The following CNTNAP2 variants were observed in gnomAD, a reference collection of about 807,000 sequenced individuals.
CNTNAP2 encodes contactin-associated protein-like 2.
CNTNAP2 carries 98 observed loss-of-function variants against 155.2 expected under a neutral mutation model. The observed-to-expected ratio is 0.63, with a 90% confidence interval of 0.54 to 0.75. The LOEUF (loss-of-function observed/expected upper bound fraction) is 0.75, where lower values mean the gene tolerates loss of function less well. Ranked by LOEUF, CNTNAP2 falls within the 30% of genes least tolerant of loss-of-function variation. The pLI is 0.00. For missense variants in CNTNAP2, 1,727 were observed against 1,688.1 expected (o/e 1.02, Z -0.40); for synonymous variants, 651 against 631.2 (o/e 1.03, Z -0.47).
intron 1 of CNTNAP2, among the ~76,000 whole-genome samples, chr7:146,373,879 A>T (rs1020478550): frequency 6.6e-6 from 1 of 152,198 alleles, no homozygotes; most frequent in Admixed American, 6.5e-5. Flanking sequence ...ACTGGATGAA[A>T]TCTTTCAAAA....
intron 1 of CNTNAP2, among the ~76,000 whole-genome samples, chr7:146,141,444 T>G (rs1797880933): frequency 6.6e-6 from 1 of 152,172 alleles, no homozygotes; most frequent in Admixed American, 6.6e-5. Context: ...TGGTAGCCAT[T>G]TGTTACTTGG....
chr7:146,475,633 T>C (rs933139452), intron 1 of CNTNAP2, among the ~76,000 whole-genome samples: 2 of 152,024 alleles, frequency 1.3e-5, no homozygotes, highest in Non-Finnish European at 2.9e-5. Context: ...GAGACCAAGA[T>C]TGACAGACTG....
intron 13 of CNTNAP2, among the ~76,000 whole-genome samples, chr7:147,819,503 A>T (rs1182452887): frequency 6.6e-6 from 1 of 152,136 alleles, no homozygotes; most frequent in Non-Finnish European, 1.5e-5. Flanking sequence ...TATTGTTATT[A>T]CTTTATACCT....
At chr7:147,253,730 T>A (rs143561706) in intron 8 of CNTNAP2, among the ~76,000 whole-genome samples, 1 of 152,358 alleles carries the variant, frequency 6.6e-6, no homozygotes, top group Non-Finnish European at 1.5e-5. Flanking sequence ...GGCAGCCTGC[T>A]GCTGCATGAT....
chr7:146,127,144 A>G (rs1797649313), intron 1 of CNTNAP2, among the ~76,000 whole-genome samples: 1 of 152,250 alleles, frequency 6.6e-6, no homozygotes, highest in South Asian at 2.1e-4. Context: ...TCTCTAACAC[A>G]ACATGCTGTT....
intron 1 of CNTNAP2, among the ~76,000 whole-genome samples, chr7:146,143,768 T>A (rs1166719218): frequency 2.0e-5 from 3 of 151,134 alleles, no homozygotes; most frequent in Middle Eastern, 7.0e-3. Flanking sequence ...AATTCTAATT[T>A]ATTTTTTTTT....
intron 13 of CNTNAP2, among the ~76,000 whole-genome samples, chr7:147,728,650 A>G (rs1047516863): frequency 6.6e-6 from 1 of 152,050 alleles, no homozygotes; most frequent in Non-Finnish European, 1.5e-5. Context: ...TGGGGAACTC[A>G]GTGGGCAATG....
chr7:146,671,760 T>G (rs911079009), intron 1 of CNTNAP2, among the ~76,000 whole-genome samples: 2 of 152,158 alleles, frequency 1.3e-5, no homozygotes, highest in African/African-American at 2.4e-5. Context: ...CAAAATATTT[T>G]TACCAATCCA....
chr7:147,004,517 T>A (rs1798489019), intron 3 of CNTNAP2, among the ~76,000 whole-genome samples: 1 of 151,976 alleles, frequency 6.6e-6, no homozygotes, highest in African/African-American at 2.4e-5. Context: ...AAAATATAAA[T>A]TTCCGGAATA....
At chr7:147,255,848 A>G (rs921169988) in intron 8 of CNTNAP2, among the ~76,000 whole-genome samples, 11 of 152,084 alleles carry the variant, frequency 7.2e-5, no homozygotes, top group African/African-American at 2.4e-4. Context: ...AGGGATTCTC[A>G]TTCCTCAGCC....
At chr7:146,313,185 G>A (rs1489767546) in intron 1 of CNTNAP2, among the ~76,000 whole-genome samples, 2 of 152,174 alleles carry the variant, frequency 1.3e-5, no homozygotes, top group Admixed American at 6.5e-5. Flanking sequence ...CAATGTACAA[G>A]GGTTACCTTT....
chr7:147,009,004 A>T (rs1269151721), intron 3 of CNTNAP2, among the ~76,000 whole-genome samples: 1 of 151,698 alleles, frequency 6.6e-6, no homozygotes, highest in Non-Finnish European at 1.5e-5. Context: ...AATATTTTTA[A>T]TGCTCAATTG....
intron 1 of CNTNAP2, among the ~76,000 whole-genome samples, chr7:146,388,305 C>T (rs1795489998): frequency 6.6e-6 from 1 of 151,694 alleles, no homozygotes; most frequent in Non-Finnish European, 1.5e-5. Context: ...CATGGTGGTG[C>T]ATGCCTGTAG....
intron 1 of CNTNAP2, among the ~76,000 whole-genome samples, chr7:146,640,501 A>G (rs1188614627): frequency 1.3e-5 from 2 of 152,236 alleles, no homozygotes; most frequent in Non-Finnish European, 2.9e-5. Context: ...TGCAATGTGT[A>G]GAGTATGCTC....
At chr7:147,790,342 G>A (rs562402744) in intron 13 of CNTNAP2, among the ~76,000 whole-genome samples, 13 of 152,270 alleles carry the variant, frequency 8.5e-5, no homozygotes, top group Admixed American at 5.9e-4. Context: ...GGCAGGAGGA[G>A]CTTGGCTTTG....
At chr7:146,642,387 C>A (rs1799726368) in intron 1 of CNTNAP2, among the ~76,000 whole-genome samples, 2 of 147,446 alleles carry the variant, frequency 1.4e-5, no homozygotes, top group South Asian at 2.2e-4. Context: ...CAATTCCCAC[C>A]TATGAGTGAG....
intron 13 of CNTNAP2, among the ~76,000 whole-genome samples, chr7:147,867,703 T>C (rs1799258002): frequency 6.6e-6 from 1 of 152,148 alleles, no homozygotes; most frequent in Non-Finnish European, 1.5e-5. Flanking sequence ...TAATTTGATC[T>C]TCAGTCACTA....
chr7:146,656,224 T>G (rs1799993932), intron 1 of CNTNAP2, among the ~76,000 whole-genome samples: 1 of 152,208 alleles, frequency 6.6e-6, no homozygotes, highest in African/African-American at 2.4e-5. Context: ...CCCTTTCTTT[T>G]CCATCTGTGA....
intron 15 of CNTNAP2, among the ~76,000 whole-genome samples, chr7:147,990,521 G>C (rs541745797): frequency 5.6e-4 from 85 of 152,050 alleles, no homozygotes; most frequent in African/African-American, 2.0e-3. Context: ...CATCTCTCCG[G>C]CCTCTCTGGC....
Sources: allele counts gnomAD v4.1 joint callset (sites outside exome capture counted in the v4.1 genomes callset), GRCh38; gene constraint gnomAD v4.1.1; transcripts MANE v1.5; gene names NCBI Gene and HGNC (gene_info 2026-07-23, HGNC 2026-07-21).